CYRIA: variants seen among roughly 807,000 people sequenced by gnomAD.
CYRIA encodes the protein CYFIP-related Rac1 interactor A.
In CYRIA, 15 loss-of-function variants were observed where a neutral mutation model predicts 43.9. The observed-to-expected ratio is 0.34, with a 90% CI of 0.23 to 0.53. The LOEUF (loss-of-function observed/expected upper bound fraction) is 0.53, where lower values mean the gene tolerates loss of function less well. Among genes scored for constraint, CYRIA ranks in the 20% least tolerant of loss-of-function variants. The probability of loss-of-function intolerance (pLI) is 0.94; values close to 1 mark genes in which losing one functional copy is unlikely to be tolerated. For synonymous variants in CYRIA, 117 were observed against 136.0 expected, an observed-to-expected ratio of 0.86 and a Z score of 0.97; for missense variants, 236 against 394.2, an observed-to-expected ratio of 0.60 and a Z score of 3.40.
chr2:16,664,242 C>G (rs904412507), intron 1 of CYRIA, among the ~76,000 whole-genome samples: 2 of 152,140 alleles, frequency 1.3e-5, no homozygotes, highest in Non-Finnish European at 2.9e-5. Context: ...GTTTCCACCT[C>G]GCTTTCCCAC....
chr2:16,648,778 C>T (rs1348802948), intron 1 of CYRIA, among the ~76,000 whole-genome samples: 1 of 152,078 alleles, frequency 6.6e-6, no homozygotes, highest in Non-Finnish European at 1.5e-5. Flanking sequence ...GGGTCTAGGC[C>T]TTGCTTTTAA....
chr2:16,649,562 C>T (rs1226368606), intron 1 of CYRIA, among the ~76,000 whole-genome samples: 2 of 151,524 alleles, frequency 1.3e-5, no homozygotes, highest in East Asian at 1.9e-4. Context: ...TTGTGTAATA[C>T]AGGGCATGTT....
chr2:16,628,775 C>A (rs974340644), intron 1 of CYRIA, among the ~76,000 whole-genome samples: 2 of 152,184 alleles, frequency 1.3e-5, no homozygotes, highest in Non-Finnish European at 2.9e-5. Flanking sequence ...CCCTTCTGGG[C>A]AATGCCTTGC....
chr2:16,561,455 C>T lies in CYRIA; in HGVS notation c.513+1G>A, dbSNP rs745368519. The T allele has an allele frequency of 2.5e-6, 4 of 1,613,534 alleles. No homozygotes were observed. Among genetic ancestry groups the T allele is most frequent in the Non-Finnish European group, 3.4e-6 (4 of 1,179,552 alleles). Reference sequence around the variant, plus strand: ...AAGGTCAAGGCGACCCAGGGACTCACGTGCATGTTGTTGATGCGGTTGCGA... The same window carrying T: ...AAGGTCAAGGCGACCCAGGGACTCATGTGCATGTTGTTGATGCGGTTGCGA... On this transcript the variant is annotated splice_donor_variant, in intron 7 of 11. Coordinates refer to ENST00000381323, the MANE Select transcript of CYRIA (RefSeq NM_030797.4). LOFTEE classifies it high-confidence loss of function.
intron 3 of CYRIA, among the ~76,000 whole-genome samples, chr2:16,576,906 A>G (rs1426587518): frequency 6.6e-6 from 1 of 152,220 alleles, no homozygotes; most frequent in Non-Finnish European, 1.5e-5. Flanking sequence ...AGCAAAATAA[A>G]CAAGTAACAG....
chr2:16,603,036 C>T (rs2103479743), intron 2 of CYRIA, among the ~76,000 whole-genome samples: 1 of 152,246 alleles, frequency 6.6e-6, no homozygotes, highest in East Asian at 1.9e-4. Flanking sequence ...TTCCATGCTG[C>T]CGGCAGAGCC....
Position 16,552,964 on chromosome 2 carries a change from G to C in CYRIA, c.944C>G (p.Ser315Cys). 6.2e-7 allele frequency: 1 copy of C among 1,611,234 alleles called. No individual in the cohort carries two copies. Among genetic ancestry groups the C allele is most frequent in the Non-Finnish European group, 8.5e-7 (1 of 1,177,558 alleles). Residue 315 changes from serine (S) to cysteine (C), a missense_variant, in exon 12 of 12, where the codon TCC (serine) becomes TGC (cysteine). Around this residue, in one of 3 missense-constraint regions of CYRIA, gnomAD observed 40 missense variants for 62.2 expected, o/e 0.64. Coordinates refer to ENST00000381323, the MANE Select transcript of CYRIA (RefSeq NM_030797.4). ...CTGAAGCATTGCTCGAATCTGTTTG[G>C]AAGTTGATTCATCGTTCAAGTGCTT... ...TTKHLNDEST[S>C]KQIRAMLQ
chr2:16,572,292 A>G (rs1245442257), intron 3 of CYRIA, among the ~76,000 whole-genome samples: 1 of 152,044 alleles, frequency 6.6e-6, no homozygotes, highest in African/African-American at 2.4e-5. Context: ...GATGGAATAG[A>G]TTTAAAGCAC....
intron 1 of CYRIA, among the ~76,000 whole-genome samples, chr2:16,637,338 T>C (rs1198043952): frequency 6.6e-6 from 1 of 152,140 alleles, no homozygotes; most frequent in East Asian, 1.9e-4. Context: ...GGAAGATTCT[T>C]TGGGAAGAAT....
intron 7 of CYRIA, 60 bp from the exon 8 acceptor site, chr2:16,561,337 C>T (rs1666722983): frequency 1.1e-5 from 17 of 1,492,638 alleles, no homozygotes; most frequent in Non-Finnish European, 1.6e-5. Context: ...CCTCCAAATA[C>T]TTTTCTCTGG....
chr2:16,576,350 G>A (rs1349408484), intron 3 of CYRIA, among the ~76,000 whole-genome samples: 6 of 152,180 alleles, frequency 3.9e-5, no homozygotes, highest in Admixed American at 3.9e-4. Flanking sequence ...TAGTAAAACA[G>A]TATAATAAAA....
intron 10 of CYRIA, among the ~76,000 whole-genome samples, chr2:16,557,535 A>G (rs1558399895): frequency 2.2e-5 from 3 of 135,810 alleles, no homozygotes; most frequent in Admixed American, 1.5e-4. Flanking sequence ...TGGAGACCCT[A>G]TATGTCGTAA....
intron 2 of CYRIA, among the ~76,000 whole-genome samples, chr2:16,600,864 G>A (rs1402451094): frequency 6.6e-6 from 1 of 152,116 alleles, no homozygotes; most frequent in Non-Finnish European, 1.5e-5. Flanking sequence ...AGGTTCGAAT[G>A]GCTAAACAAT....
chr2:16,588,169 T>TA (rs745801890), intron 2 of CYRIA, 40 bp from the exon 3 acceptor site: 58 of 1,344,506 alleles, frequency 4.3e-5, no homozygotes, highest in African/African-American at 7.4e-5. Context: ...ATTAGCAACA[T>TA]AAAAAAAATA....
chr2:16,656,618 G>C (rs919328580), intron 1 of CYRIA, among the ~76,000 whole-genome samples: 9 of 152,242 alleles, frequency 5.9e-5, no homozygotes, highest in Admixed American at 3.3e-4. Flanking sequence ...CCTCAGAGAG[G>C]AGGAGCTGCT....
chr2:16,591,382 G>T (rs1345716559), intron 2 of CYRIA, among the ~76,000 whole-genome samples: 2 of 152,054 alleles, frequency 1.3e-5, no homozygotes, highest in East Asian at 3.9e-4. Context: ...TTCAATATTT[G>T]GTGTTCAGAA....
intron 1 of CYRIA, among the ~76,000 whole-genome samples, chr2:16,654,795 T>C (rs10198624): frequency 0.11 from 17,304 of 152,198 alleles, 2,275 homozygotes; most frequent in African/African-American, 0.31. Context: ...AATAGCATAA[T>C]TCACTGTTGT....
intron 4 of CYRIA, among the ~76,000 whole-genome samples, chr2:16,564,670 GTA>G (rs1558403779): frequency 2.6e-5 from 4 of 152,062 alleles, no homozygotes; most frequent in South Asian, 4.2e-4. Context: ...GCATGTGTGC[GTA>G]TGTGTGTGTG....
In CYRIA at chr2:16,552,957, C is replaced by A. The variant is rs1452210860; in HGVS notation, c.951G>T (p.Gln317His). Residue 317 changes from glutamine to histidine, a missense_variant, in exon 12 of 12, where the codon CAG (glutamine) becomes CAT (histidine). Gln to His is a conservative substitution (Grantham distance 24). Coordinates refer to ENST00000381323, the MANE Select transcript of CYRIA (RefSeq NM_030797.4). ...AGCTCTACTGAAGCATTGCTCGAAT[C>A]TGTTTGGAAGTTGATTCATCGTTCA... ...KHLNDESTSK[Q>H]IRAMLQ The A allele has an allele frequency of 6.2e-7, 1 of 1,610,216 alleles. No individual in the cohort carries two copies. The highest frequency in any genetic ancestry group is 8.5e-7 in the Non-Finnish European group (1 of 1,176,714).
Sources: allele counts gnomAD v4.1 joint callset (sites outside exome capture counted in the v4.1 genomes callset), GRCh38; gene constraint gnomAD v4.1.1; regional missense constraint gnomAD v4.1.1; transcripts MANE v1.5; gene names NCBI Gene and HGNC (gene_info 2026-07-23, HGNC 2026-07-21).